AFF2: variants seen among roughly 807,000 people sequenced by gnomAD.
The protein encoded by AFF2 is ALF transcription elongation factor 2.
In AFF2, 14 loss-of-function variants were observed where a neutral mutation model predicts 76.9. That is an observed-to-expected ratio of 0.18 (90% CI 0.12 to 0.28). The LOEUF (loss-of-function observed/expected upper bound fraction) is 0.28, where lower values mean the gene tolerates loss of function less well. Ranked by LOEUF, AFF2 falls within the 10% of genes least tolerant of loss-of-function variation. The probability of loss-of-function intolerance (pLI) is 1.00; values close to 1 mark genes in which losing one functional copy is unlikely to be tolerated. For missense variants in AFF2, 868 were observed against 1,001.1 expected (o/e 0.87, Z 1.79); for synonymous variants, 398 against 366.7 (o/e 1.09, Z -0.98).
intron 4 of AFF2, chrX:148,822,129 C>A (rs1228119387): frequency 8.1e-5 from 9 of 111,650 alleles, no homozygotes; most frequent in Non-Finnish European, 1.7e-4. Context: ...ATATTATCAC[C>A]ATTTGTGTGC....
chrX:148,534,293 C>T (rs535412879), intron 1 of AFF2, among the ~76,000 whole-genome samples: 26 of 112,470 alleles, frequency 2.3e-4, no homozygotes, highest in Non-Finnish European at 4.3e-4. Context: ...TCATGGCTCT[C>T]GGCAAGCTGT....
chrX:148,512,926 C>G (rs1222403759), intron 1 of AFF2, among the ~76,000 whole-genome samples: 1 of 111,269 alleles, frequency 9.0e-6, no homozygotes, highest in Non-Finnish European at 1.9e-5. Context: ...ACCATCCAGC[C>G]CTTTCCCTGC....
rs1424887808 is a variant in AFF2 at position 148,998,275 on chromosome X, C to A, written c.*6943C>A. ...GTGATGGTTGTTGTTACTTGTCTCT[C>A]TCTCTCTCTGGCTCTGGCTTTTGCT... On this transcript the variant is annotated 3_prime_UTR_variant, in exon 21 of 21. Coordinates refer to ENST00000370460, the MANE Select transcript of AFF2 (RefSeq NM_002025.4). The A allele has an allele frequency of 5.4e-5, 6 of 112,115 alleles. No individual in the cohort carries two copies. The highest frequency in any genetic ancestry group is 3.8e-4 in the Admixed American group (4 of 10,496). 9.2% of individuals were successfully genotyped at this position (112,115 alleles called of 1,213,427 possible).
intron 1 of AFF2, among the ~76,000 whole-genome samples, chrX:148,548,730 T>A (rs1557238490): frequency 8.9e-6 from 1 of 112,417 alleles, no homozygotes; most frequent in Non-Finnish European, 1.9e-5. Context: ...CCACCGCACC[T>A]GGTCTGCCTC....
intron 9 of AFF2, among the ~76,000 whole-genome samples, chrX:148,911,895 C>G (rs1557281985): frequency 9.0e-6 from 1 of 111,645 alleles, no homozygotes; most frequent in Admixed American, 9.5e-5. Context: ...GATATGTACC[C>G]AAAGGAATAT....
At chrX:148,568,332 A>G (rs1557242031) in intron 1 of AFF2, among the ~76,000 whole-genome samples, 2 of 111,836 alleles carry the variant, frequency 1.8e-5, no homozygotes, top group African/African-American at 6.5e-5. Flanking sequence ...TGGTTTGTCT[A>G]CTTCCATAAA....
chrX:148,505,191 A>T (rs1194521016), intron 1 of AFF2, among the ~76,000 whole-genome samples: 1 of 111,822 alleles, frequency 8.9e-6, no homozygotes, highest in East Asian at 2.8e-4. Context: ...GTGTTTCTTA[A>T]GGGAATGTGT....
chrX:148,579,150 C>T (rs1223549511), intron 1 of AFF2, among the ~76,000 whole-genome samples: 1 of 111,855 alleles, frequency 8.9e-6, no homozygotes, highest in Non-Finnish European at 1.9e-5. Context: ...TTTGAGTGAT[C>T]CAGCAGCAGA....
chrX:148,731,707 G>T lies in AFF2; in HGVS notation c.1041+68939G>T, dbSNP rs781830713. Among the ~76,000 whole-genome samples, 284 of 101,054 alleles carry T rather than the reference G, an allele frequency of 2.8e-3. 3 individuals carry two copies. Among genetic ancestry groups the T allele is most frequent in the African/African-American group, 0.01 (270 of 26,060 alleles). 87.8% of individuals were successfully genotyped at this position (101,054 alleles called of 115,157 possible). A position where few individuals can be genotyped will look rare whatever the true frequency, so the allele number is the denominator to read the frequency against. ...AGGGCTAATATCCAGAATCTACAATGAACTCAAACAAATTTACAAGAAAAA... is the reference window on the plus strand; with the variant it reads ...AGGGCTAATATCCAGAATCTACAATTAACTCAAACAAATTTACAAGAAAAA... On this transcript the variant is annotated intron_variant, in intron 3 of 20. Transcript: ENST00000370460.
chrX:148,714,806 G>A lies in AFF2; in HGVS notation c.1041+52038G>A, dbSNP rs148185989. On this transcript the variant is annotated intron_variant, in intron 3 of 20. Coordinates refer to ENST00000370460, the MANE Select transcript of AFF2 (RefSeq NM_002025.4). ...ACATCAAATTAACCATCATAGTGCT[G>A]GACACAGAGTAAATGCTTACTGCAT... Among the ~76,000 whole-genome samples, 921 of 111,402 alleles carry A rather than the reference G, an allele frequency of 8.3e-3. 5 individuals are homozygous for A. The highest frequency in any genetic ancestry group is 0.012 in the Non-Finnish European group (636 of 53,014).
At chrX:148,786,251 T>G (rs1305026594) in intron 3 of AFF2, among the ~76,000 whole-genome samples, 1 of 111,754 alleles carries the variant, frequency 8.9e-6, no homozygotes, top group Non-Finnish European at 1.9e-5. Flanking sequence ...CTCCTGCCAT[T>G]GAGTATTGTT....
chrX:148,551,095 A>C (rs922566801), intron 1 of AFF2, among the ~76,000 whole-genome samples: 9 of 110,642 alleles, frequency 8.1e-5, no homozygotes, highest in African/African-American at 2.6e-4. Flanking sequence ...ATATAAATTA[A>C]ACAAGTGTTT....
At chrX:148,767,469 A>G (rs1188425498) in intron 3 of AFF2, among the ~76,000 whole-genome samples, 2 of 111,772 alleles carry the variant, frequency 1.8e-5, no homozygotes, top group Non-Finnish European at 3.8e-5. Context: ...AGCACTTTCA[A>G]TTGAGATATT....
chrX:148,931,078 C>T (rs1402749712), intron 9 of AFF2, among the ~76,000 whole-genome samples: 1 of 108,705 alleles, frequency 9.2e-6, no homozygotes, highest in Non-Finnish European at 1.9e-5. Context: ...CATGGTGAAA[C>T]CCCGTCTCTA....
chrX:148,874,938 G>A lies in AFF2; in HGVS notation c.1263-10951G>A, dbSNP rs140819279. Among the ~76,000 whole-genome samples, 363 of 112,150 alleles carry A rather than the reference G, an allele frequency of 3.2e-3. 2 individuals carry two copies. Among genetic ancestry groups the A allele is most frequent in the African/African-American group, 0.011 (349 of 30,942 alleles). ...GTTGGCTTTCCACATCAATGTAATT[G>A]TGCCATGTGCTATAATTTATAGTGT... On this transcript the variant is annotated intron_variant, in intron 7 of 20. Transcript: ENST00000370460.
At chrX:148,652,207 T>A in intron 2 of AFF2, 76 bp downstream of exon 2, 1 of 782,920 alleles carries the variant, frequency 1.3e-6, no homozygotes, top group Non-Finnish European at 1.9e-6. Context: ...AATTTATGTT[T>A]AAAGCACCCA....
chrX:148,736,669 T>A (rs2055288665), intron 3 of AFF2, among the ~76,000 whole-genome samples: 1 of 112,077 alleles, frequency 8.9e-6, no homozygotes, highest in Non-Finnish European at 1.9e-5. Flanking sequence ...CTTTGGGTTC[T>A]TGGTCATTAA....
intron 12 of AFF2, among the ~76,000 whole-genome samples, chrX:148,960,985 C>T (rs1362300970): frequency 8.9e-6 from 1 of 112,057 alleles, no homozygotes; most frequent in Non-Finnish European, 1.9e-5. Context: ...TCCTTAAAGA[C>T]CCCGTGGTTC....
chrX:148,794,110 T>C (rs1053483924), intron 3 of AFF2, among the ~76,000 whole-genome samples: 27 of 112,088 alleles, frequency 2.4e-4, no homozygotes, highest in Admixed American at 1.2e-3. Context: ...AGGCAGCCCT[T>C]TTTCAAAGTC....
Sources: gnomAD v4.1 joint callset for allele counts (sites outside exome capture counted in the v4.1 genomes callset) on GRCh38, gnomAD v4.1.1 for gene constraint, MANE v1.5 for transcripts, NCBI Gene and HGNC (gene_info 2026-07-23, HGNC 2026-07-21) for gene names.